Variants in NBPF20 observed in about 807,000 individuals in gnomAD.
NBPF20 encodes the protein NBPF family member NBPF20.
In NBPF20, 90 loss-of-function variants were observed where a neutral mutation model predicts 68.1. That is an observed-to-expected ratio of 1.32 (90% CI 1.11 to 1.58). The LOEUF (loss-of-function observed/expected upper bound fraction) is 1.58. Among genes scored for constraint, NBPF20 ranks in the 40% most tolerant of loss-of-function variants. The pLI is 0.00. For synonymous variants in NBPF20, 290 were observed against 228.1 expected, an observed-to-expected ratio of 1.27 and a Z score of -2.45; for missense variants, 816 against 601.2, an observed-to-expected ratio of 1.36 and a Z score of -3.74.
At chr1:145,415,382 G>T in the NBPF20 span, among the ~76,000 whole-genome samples, 1 of 151,582 alleles carries the variant, frequency 6.6e-6, no homozygotes, top group African/African-American at 2.4e-5. Context: ...CTGCAAAGAG[G>T]CCTTCCTTCC....
chr1:145,394,809 G>A (rs1367444112), intron 8 of NBPF20, among the ~76,000 whole-genome samples, 169 bp downstream of exon 13: 2 of 152,230 alleles, frequency 1.3e-5, no homozygotes, highest in Non-Finnish European at 1.5e-5. Flanking sequence ...CCCACCCCAT[G>A]CCTGTGCTTC....
intron 133 of NBPF20, 79 bp from the exon 139 acceptor site, chr1:145,295,033 C>G: frequency 3.6e-6 from 1 of 274,630 alleles, no homozygotes; most frequent in Non-Finnish European, 6.1e-6. Flanking sequence ...TCATGGCTAA[C>G]ATAAGGAACT....
rs1253230854 is a variant in NBPF20 at position 145,400,548 on chromosome 1, C to G, written c.613G>C (p.Glu205Gln). The G allele has an allele frequency of 4.3e-6, 7 of 1,612,582 alleles. No individual in the cohort carries two copies. The Admixed American group carries it at 1.2e-4, about 27-fold the overall frequency. The change falls in exon 6 of 138, where the codon GAG (glutamate) becomes CAG (glutamine). Residue 205 changes from glutamate (E) to glutamine (Q), a missense_variant. Glu to Gln is a conservative substitution (Grantham distance 29). Coordinates refer to ENST00000369373, the Ensembl canonical transcript of NBPF20. ...TTTGAATAAGTGATGGCACATTCCT[C>G]CTGTGAGTCCTCAGGGACTTCCTTT...
At chr1:145,311,832 A>G (rs1661490635) in intron 112 of NBPF20, among the ~76,000 whole-genome samples, 1 of 104,744 alleles carries the variant, frequency 9.5e-6, no homozygotes, top group African/African-American at 4.9e-5. Context: ...CTGTCTCATC[A>G]AATACTCAGA....
chr1:145,425,515 C>G, the NBPF20 span, among the ~76,000 whole-genome samples: 1 of 152,260 alleles, frequency 6.6e-6, no homozygotes, highest in Non-Finnish European at 1.5e-5. Context: ...CGACCCTCAC[C>G]TACCCCTCCC....
At chr1:145,423,602 A>G in the NBPF20 span, among the ~76,000 whole-genome samples, 1 of 152,206 alleles carries the variant, frequency 6.6e-6, no homozygotes, top group Non-Finnish European at 1.5e-5. Flanking sequence ...AAAAACAAAC[A>G]TATCAATGAA....
At chr1:145,292,073 C>A (rs1259516113) in intron 137 of NBPF20, among the ~76,000 whole-genome samples, 2 of 149,474 alleles carry the variant, frequency 1.3e-5, no homozygotes, top group African/African-American at 2.6e-5. Context: ...GTCCTCATGA[C>A]ACACAGCAAA....
chr1:145,400,141 C>A (rs1662449187), intron 6 of NBPF20, among the ~76,000 whole-genome samples: 1 of 152,204 alleles, frequency 6.6e-6, no homozygotes, highest in African/African-American at 2.4e-5. Context: ...CAGATACTGC[C>A]TGTGCACCTC....
intron 2 of NBPF20, among the ~76,000 whole-genome samples, chr1:145,404,284 A>G (rs1424771201): frequency 6.6e-6 from 1 of 151,336 alleles, no homozygotes; most frequent in African/African-American, 2.4e-5. Flanking sequence ...TTTTTTGACG[A>G]GTCTTGCCCT....
chr1:145,309,471 C>G (rs1394486177), intron 115 of NBPF20, among the ~76,000 whole-genome samples: 6 of 72,572 alleles, frequency 8.3e-5, no homozygotes, highest in African/African-American at 3.5e-4. Context: ...CACACACACA[C>G]ACACACACAG....
rs587703688 is a variant in NBPF20 at position 145,292,415 on chromosome 1, C to A, written c.16663G>T (p.Glu5555Ter). 1.4e-6 allele frequency: 1 copy of A among 692,324 alleles called. No homozygotes were observed. The highest frequency in any genetic ancestry group is 1.5e-5 in the South Asian group (1 of 64,976). The allele number at this position is 692,324 out of a possible 1,614,324, so 42.9% of individuals were successfully genotyped here. A position where few individuals can be genotyped will look rare whatever the true frequency, so the allele number is the denominator to read the frequency against. Residue 5555 changes from glutamate to a stop codon, truncating the protein, a stop_gained, in exon 137 of 138, where the codon GAA becomes TAA. Coordinates refer to ENST00000369373, the Ensembl canonical transcript of NBPF20. LOFTEE classifies it high-confidence loss of function. ...GGTGGGTTTTGATCTTCTTCCCCTT[C>A]TTTTCTTCCCCTTCTTCTTTTCTTC... is the stretch of plus-strand genomic sequence containing the variant.
intron 8 of NBPF20, among the ~76,000 whole-genome samples, chr1:145,394,767 C>A (rs1662135683): frequency 6.6e-6 from 1 of 152,078 alleles, no homozygotes; most frequent in South Asian, 2.1e-4. Flanking sequence ...ACGGGCATGG[C>A]CTGAGACTAG....
At chr1:145,311,358 AAC>A in intron 113 of NBPF20, 77 bp downstream of exon 118, 56 of 243,228 alleles carry the variant, frequency 2.3e-4, no homozygotes, top group Middle Eastern at 1.2e-3. Flanking sequence ...CATGAAATTG[AAC>A]ACACTCTTGT....
exon 138 of NBPF20, chr1:145,291,602 A>C (rs1553657632): frequency 3.7e-6 from 6 of 1,611,972 alleles, no homozygotes; most frequent in Admixed American, 1.7e-5. Context: ...CCTATTGTCC[A>C]CGTAAAGGGC....
intron 137 of NBPF20, 99 bp from the exon 143 acceptor site, chr1:145,291,868 G>T (rs587644194): frequency 6.3e-7 from 1 of 1,598,432 alleles, no homozygotes; most frequent in Non-Finnish European, 8.5e-7. Flanking sequence ...GGTTAGAAAA[G>T]AAAAAGGATA....
At chr1:145,410,567 C>T (rs587621203), upstream of NBPF20, among the ~76,000 whole-genome samples, 50 of 150,990 alleles carry the variant, frequency 3.3e-4, 1 homozygote, top group Non-Finnish European at 2.8e-4. Context: ...CCCGCCTCGG[C>T]CTCCCAAAGT....
Position 145,393,619 on chromosome 1 carries a change from A to T in NBPF20, c.1043+265T>A. ...GCATGTCCTCAATAATTTTGCATAA[A>T]ATGTGCTCAAGTTTCCCTGCAGTTA... On this transcript the variant is annotated intron_variant, in intron 9 of 137. Transcript: ENST00000369373. 4 of 788,176 alleles carry T rather than the reference A, an allele frequency of 5.1e-6. No individual in the cohort carries two copies. In the East Asian group the frequency reaches 8.0e-5, roughly 16 times the overall value. 48.8% of individuals were successfully genotyped at this position (788,176 alleles called of 1,614,324 possible). A position where few individuals can be genotyped will look rare whatever the true frequency, so the allele number is the denominator to read the frequency against.
Position 145,292,760 on chromosome 1 carries a change from T to C in NBPF20, c.16589-271A>G, listed in dbSNP as rs1661220870. On this transcript the variant is annotated intron_variant, in intron 136 of 137. Transcript: ENST00000369373. Reference sequence around the variant, plus strand: ...TTGTGCAAACAGTTATGCCATATTTTTCCAATCAACTTAAAGCAAATACCC... The same window carrying C: ...TTGTGCAAACAGTTATGCCATATTTCTCCAATCAACTTAAAGCAAATACCC... Among the ~76,000 whole-genome samples, 2 of 122,742 alleles carry C rather than the reference T, an allele frequency of 1.6e-5. 1 individual carries two copies. Among genetic ancestry groups the C allele is most frequent in the African/African-American group, 7.3e-5 (2 of 27,430 alleles). The allele number at this position is 122,742 out of a possible 152,430, so 80.5% of individuals were successfully genotyped here. A position where few individuals can be genotyped will look rare whatever the true frequency, so the allele number is the denominator to read the frequency against.
the NBPF20 span, among the ~76,000 whole-genome samples, chr1:145,415,351 G>A: frequency 6.6e-6 from 1 of 151,562 alleles, no homozygotes; most frequent in East Asian, 1.9e-4. Flanking sequence ...GCCGGAGACA[G>A]ATGCCTTCCT....
Sources: allele counts gnomAD v4.1 joint callset (sites outside exome capture counted in the v4.1 genomes callset), GRCh38; gene constraint gnomAD v4.1.1; transcripts MANE v1.5; gene names NCBI Gene and HGNC (gene_info 2026-07-23, HGNC 2026-07-21).